The following ABCC1 variants were observed in gnomAD, a reference collection of about 807,000 sequenced individuals.
The protein encoded by ABCC1 is multidrug resistance-associated protein 1.
Under a neutral mutation model 172.9 loss-of-function variants are expected in ABCC1, and 83 were observed. The observed-to-expected ratio is 0.48, with a 90% CI of 0.40 to 0.58. The LOEUF (loss-of-function observed/expected upper bound fraction) is 0.58. Among genes scored for constraint, ABCC1 ranks in the 20% least tolerant of loss-of-function variants. The pLI, the probability that ABCC1 is intolerant of heterozygous loss-of-function variation, is 0.00. For missense variants in ABCC1, 1,817 were observed against 2,002.7 expected, an observed-to-expected ratio of 0.91 and a Z score of 1.77; for synonymous variants, 937 against 825.2, an observed-to-expected ratio of 1.14 and a Z score of -2.32.
At chr16:16,130,300 C>T (rs553499981) in intron 26 of ABCC1, among the ~76,000 whole-genome samples, 1 of 152,244 alleles carries the variant, frequency 6.6e-6, no homozygotes, top group East Asian at 1.9e-4. Flanking sequence ...GAGAAGACCA[C>T]TCATTTCATT....
chr16:16,034,580 C>CTTTTTTT (rs35163690), intron 6 of ABCC1, among the ~76,000 whole-genome samples: 13 of 84,680 alleles, frequency 1.5e-4, no homozygotes, highest in African/African-American at 2.1e-4. Context: ...TGTATGTTAA[C>CTTTTTTT]TTTTTTTTTT....
intron 23 of ABCC1, among the ~76,000 whole-genome samples, chr16:16,117,452 G>A (rs2044941539): frequency 6.6e-6 from 1 of 152,076 alleles, no homozygotes; most frequent in Non-Finnish European, 1.5e-5. Flanking sequence ...ATTTGGGTGG[G>A]GACACAGCCA....
intron 1 of ABCC1, among the ~76,000 whole-genome samples, chr16:15,966,063 A>C (rs2046235577): frequency 6.6e-6 from 1 of 152,076 alleles, no homozygotes; most frequent in African/African-American, 2.4e-5. Context: ...CCGTTCTAGC[A>C]GGGTCTAAGG....
At chr16:16,055,536 C>T (rs141526648) in intron 11 of ABCC1, among the ~76,000 whole-genome samples, 50 of 146,394 alleles carry the variant, frequency 3.4e-4, no homozygotes, top group East Asian at 2.2e-3. Context: ...GGCAAGAGAG[C>T]GAGACTCCGT....
At chr16:15,984,691 A>T (rs1461417902) in intron 1 of ABCC1, among the ~76,000 whole-genome samples, 1 of 151,892 alleles carries the variant, frequency 6.6e-6, no homozygotes, top group South Asian at 2.1e-4. Context: ...TGATCTGCCC[A>T]CCTTGGCCTC....
At chr16:15,985,052 A>G (rs1393657282) in intron 1 of ABCC1, among the ~76,000 whole-genome samples, 1 of 152,158 alleles carries the variant, frequency 6.6e-6, no homozygotes, top group Admixed American at 6.5e-5. Flanking sequence ...GCAGTGAGCC[A>G]TGATCACGCC....
Position 15,957,045 on chromosome 16 carries a change from CTG to C in ABCC1, c.48+7247_48+7248del, listed in dbSNP as rs556934678. Among the ~76,000 whole-genome samples the C allele has an allele frequency of 1.4e-4, 21 of 152,136 alleles. No individual in the cohort carries two copies. In the South Asian group the frequency reaches 4.4e-3, roughly 32 times the overall value. ...TGTCTGGAATGAACACTCAGATAAA[CTG>C]AGTCCTCCAGCTTTCTCATCAGATG... is the stretch of plus-strand genomic sequence containing the variant. On this transcript the variant is annotated intron_variant, in intron 1 of 30. Transcript: ENST00000399410.
chr16:16,005,713 T>C (rs12934085), intron 1 of ABCC1, among the ~76,000 whole-genome samples: 75,657 of 152,030 alleles, frequency 0.5, 19,695 homozygotes, highest in Non-Finnish European at 0.59. Flanking sequence ...TTCCAACACT[T>C]TGGGAGACTG....
At chr16:15,983,576 GA>G (rs2046677555) in intron 1 of ABCC1, among the ~76,000 whole-genome samples, 1 of 42,150 alleles carries the variant, frequency 2.4e-5, no homozygotes, top group Non-Finnish European at 5.5e-5. Flanking sequence ...TTTTGGTTTT[GA>G]GACAGTCTTG....
chr16:16,122,752 T>C (rs1473964189), intron 24 of ABCC1, among the ~76,000 whole-genome samples: 1 of 144,742 alleles, frequency 6.9e-6, no homozygotes, highest in Non-Finnish European at 1.5e-5. Flanking sequence ...ATCATGGTGG[T>C]GTGTGCCTGT....
chr16:15,966,167 C>T (rs1199981298), intron 1 of ABCC1, among the ~76,000 whole-genome samples: 1 of 152,006 alleles, frequency 6.6e-6, no homozygotes, highest in African/African-American at 2.4e-5. Flanking sequence ...GTAATCCTAG[C>T]ACTTTGGGAG....
chr16:15,953,238 A>G (rs1274369554), intron 1 of ABCC1, among the ~76,000 whole-genome samples: 1 of 151,990 alleles, frequency 6.6e-6, no homozygotes, highest in Admixed American at 6.6e-5. Context: ...TGGGAGGCTG[A>G]GGCAGGAGAA....
rs58572178 is a variant in ABCC1, at chr16:16,052,430, T to TAA, written c.1381-282_1381-281dup. Among the ~76,000 whole-genome samples the TAA allele has an allele frequency of 5.2e-3, 763 of 146,882 alleles. 2 individuals are homozygous for TAA. The highest frequency in any genetic ancestry group is 9.1e-3 in the African/African-American group (366 of 40,242). On this transcript the variant is annotated intron_variant, in intron 10 of 30. Transcript: ENST00000399410. Reference sequence around the variant, plus strand: ...GGCAACATAGCGAGACCTCATCTCCTAAAAAAAAAAAAATTAGAATCCTGC... The same window carrying TAA: ...GGCAACATAGCGAGACCTCATCTCCTAAAAAAAAAAAAAAATTAGAATCCTGC...
intron 10 of ABCC1, among the ~76,000 whole-genome samples, chr16:16,048,755 G>A (rs543327242): frequency 6.6e-6 from 1 of 152,202 alleles, no homozygotes; most frequent in Non-Finnish European, 1.5e-5. Flanking sequence ...GGGAGGCCGA[G>A]GCGGGCAGAT....
chr16:16,115,835 C>A (rs936795989), intron 23 of ABCC1, among the ~76,000 whole-genome samples: 1 of 151,964 alleles, frequency 6.6e-6, no homozygotes, highest in African/African-American at 2.4e-5. Context: ...ATCCCAGATA[C>A]CTGCTTTTAT....
At chr16:16,021,648 CG>C (rs2048198689) in intron 5 of ABCC1, among the ~76,000 whole-genome samples, 1 of 152,084 alleles carries the variant, frequency 6.6e-6, no homozygotes, top group South Asian at 2.1e-4. Context: ...GCCCGGGAGG[CG>C]GAGGTTGCAG....
intron 6 of ABCC1, among the ~76,000 whole-genome samples, chr16:16,034,572 T>TA (rs1364071448): frequency 6.7e-6 from 1 of 149,986 alleles, no homozygotes; most frequent in Non-Finnish European, 1.5e-5. Flanking sequence ...GTAGAGGCTG[T>TA]ATGTTAACTT....
chr16:16,027,871 G>A (rs528283173), intron 5 of ABCC1, among the ~76,000 whole-genome samples: 1 of 152,236 alleles, frequency 6.6e-6, no homozygotes, highest in Admixed American at 6.5e-5. Context: ...TACTGTCACT[G>A]CTTCTATTAT....
At chr16:16,114,106 AT>A (rs1185450557) in intron 22 of ABCC1, among the ~76,000 whole-genome samples, 3 of 152,154 alleles carry the variant, frequency 2.0e-5, no homozygotes, top group Non-Finnish European at 4.4e-5. Context: ...TGGCATGGGG[AT>A]TAAGAGCAGG....
Sources: gnomAD v4.1 joint callset for allele counts (sites outside exome capture counted in the v4.1 genomes callset) on GRCh38, gnomAD v4.1.1 for gene constraint, MANE v1.5 for transcripts, NCBI Gene and HGNC (gene_info 2026-07-23, HGNC 2026-07-21) for gene names.